SH3PXD2A: variants seen among roughly 807,000 people sequenced by gnomAD.
SH3PXD2A encodes the protein SH3 and PX domains 2A.
A neutral mutation model predicts 115.2 loss-of-function variants in SH3PXD2A; 32 were observed. The observed-to-expected ratio is 0.28, with a 90% CI of 0.21 to 0.37. The LOEUF is 0.37. SH3PXD2A is among the 10% of genes least tolerant of loss of function. The probability of loss-of-function intolerance (pLI) is 1.00; values close to 1 mark genes in which losing one functional copy is unlikely to be tolerated. For missense variants in SH3PXD2A, 1,328 were observed against 1,498.7 expected, an observed-to-expected ratio of 0.89 and a Z score of 1.88; for synonymous variants, 610 against 629.1, an observed-to-expected ratio of 0.97 and a Z score of 0.45.
intron 8 of SH3PXD2A, among the ~76,000 whole-genome samples, chr10:103,629,032 A>G (rs754940725): frequency 2.6e-5 from 4 of 152,156 alleles, no homozygotes; most frequent in Non-Finnish European, 4.4e-5. Flanking sequence ...TCTAACCCCT[A>G]CACTCTGCTG....
chr10:103,677,329 G>A (rs1330199660), intron 6 of SH3PXD2A, among the ~76,000 whole-genome samples: 1 of 152,216 alleles, frequency 6.6e-6, no homozygotes, highest in Non-Finnish European at 1.5e-5. Flanking sequence ...TGCTTCAGGA[G>A]TCATGTAGGT....
At chr10:103,738,199 C>T (rs1009134024) in intron 3 of SH3PXD2A, among the ~76,000 whole-genome samples, 1 of 152,214 alleles carries the variant, frequency 6.6e-6, no homozygotes, top group African/African-American at 2.4e-5. Context: ...GCCCTGCGTC[C>T]CTCTCGAAAG....
chr10:103,662,155 G>A (rs1156739574), intron 7 of SH3PXD2A, among the ~76,000 whole-genome samples: 3 of 152,094 alleles, frequency 2.0e-5, no homozygotes, highest in Non-Finnish European at 4.4e-5. Flanking sequence ...GCAGAGGGAG[G>A]GCAGGTGGAC....
At chr10:103,766,942 G>C in intron 3 of SH3PXD2A, 152 bp downstream of exon 3, 1 of 609,518 alleles carries the variant, frequency 1.6e-6, no homozygotes, top group Non-Finnish European at 2.9e-6. Context: ...TCACAGTCTG[G>C]AGCTTCCAAA....
intron 10 of SH3PXD2A, among the ~76,000 whole-genome samples, chr10:103,619,359 G>A (rs1043955810): frequency 6.6e-6 from 1 of 152,196 alleles, no homozygotes; most frequent in Non-Finnish European, 1.5e-5. Flanking sequence ...GCCAGGCTCC[G>A]GGAATCCAGG....
chr10:103,605,884 A>T lies in SH3PXD2A; in HGVS notation c.1342T>A (p.Ser448Thr). The T allele has an allele frequency of 6.2e-7, 1 of 1,613,942 alleles. No individual in the cohort carries two copies. Among genetic ancestry groups the T allele is most frequent in the Non-Finnish European group, 8.5e-7 (1 of 1,179,862 alleles). Reference sequence around the variant, plus strand: ...ATGGTGTAGTACTCCACCTCAACAGAAGGGGGCTCTGGTGGCTTTGGCAGT... The same window carrying T: ...ATGGTGTAGTACTCCACCTCAACAGTAGGGGGCTCTGGTGGCTTTGGCAGT... ...FQLPKPPEPP[S>T]VEVEYYTIAE... Residue 448 changes from serine (S) to threonine (T), a missense_variant, in exon 14 of 15, where the codon TCT becomes ACT. Coordinates refer to ENST00000369774, the MANE Select transcript of SH3PXD2A (RefSeq NM_001394015.1).
intron 1 of SH3PXD2A, among the ~76,000 whole-genome samples, chr10:103,814,009 AAAAAAAC>A (rs1564895773): frequency 1.5e-5 from 2 of 136,372 alleles, no homozygotes; most frequent in Non-Finnish European, 1.6e-5. Context: ...TAAAAAAAAA[AAAAAAAC>A]AACAAAAAAA....
At chr10:103,826,957 A>G (rs1006139285) in intron 1 of SH3PXD2A, among the ~76,000 whole-genome samples, 1 of 152,136 alleles carries the variant, frequency 6.6e-6, no homozygotes, top group African/African-American at 2.4e-5. Flanking sequence ...TGGAGGGATA[A>G]CTCGTAGAAT....
chr10:103,809,261 G>A (rs956949286), intron 1 of SH3PXD2A, among the ~76,000 whole-genome samples: 2 of 152,174 alleles, frequency 1.3e-5, no homozygotes, highest in Non-Finnish European at 2.9e-5. Context: ...ACACACTCAC[G>A]GGTTGACTAT....
chr10:103,641,793 T>A (rs2036959457), intron 8 of SH3PXD2A, among the ~76,000 whole-genome samples: 2 of 152,106 alleles, frequency 1.3e-5, no homozygotes, highest in African/African-American at 4.8e-5. Flanking sequence ...TAAGCCCACA[T>A]GGTAGGGCGA....
At chr10:103,649,829 C>T (rs79694929) in intron 8 of SH3PXD2A, among the ~76,000 whole-genome samples, 3,855 of 152,310 alleles carry the variant, frequency 0.025, 62 homozygotes, top group South Asian at 0.047. Context: ...CCAACCTCAA[C>T]AGCAACCTCA....
At chr10:103,641,277 C>G (rs2036951672) in intron 8 of SH3PXD2A, among the ~76,000 whole-genome samples, 1 of 152,132 alleles carries the variant, frequency 6.6e-6, no homozygotes, top group Non-Finnish European at 1.5e-5. Context: ...TAGGTGCAAG[C>G]TGGGAGGGTC....
intron 8 of SH3PXD2A, among the ~76,000 whole-genome samples, chr10:103,630,222 G>C (rs1287647405): frequency 6.6e-6 from 1 of 152,224 alleles, no homozygotes; most frequent in East Asian, 1.9e-4. Flanking sequence ...GACTTTGCAA[G>C]GGGCTCTGCC....
intron 5 of SH3PXD2A, among the ~76,000 whole-genome samples, chr10:103,701,843 A>G (rs542097012): frequency 4.0e-4 from 59 of 148,506 alleles, no homozygotes; most frequent in African/African-American, 1.4e-3. Flanking sequence ...TCTACCATCT[A>G]TCCATCCACC....
At chr10:103,618,605 G>A (rs1299284927) in intron 10 of SH3PXD2A, among the ~76,000 whole-genome samples, 1 of 152,356 alleles carries the variant, frequency 6.6e-6, no homozygotes, top group South Asian at 2.1e-4. Flanking sequence ...CTCCCCAGGG[G>A]CTGAGACAGT....
chr10:103,634,219 G>A (rs1327753160), intron 8 of SH3PXD2A, among the ~76,000 whole-genome samples: 1 of 152,200 alleles, frequency 6.6e-6, no homozygotes, highest in Non-Finnish European at 1.5e-5. Flanking sequence ...TGAAGAAGAG[G>A]AGAGGATGCC....
chr10:103,687,565 C>T (rs1421138590), intron 6 of SH3PXD2A, among the ~76,000 whole-genome samples: 4 of 152,158 alleles, frequency 2.6e-5, no homozygotes, highest in African/African-American at 9.7e-5. Flanking sequence ...GCCCCCTCCA[C>T]TGCTGCCAGA....
chr10:103,655,357 G>T (rs950523183), intron 8 of SH3PXD2A, among the ~76,000 whole-genome samples: 4 of 152,212 alleles, frequency 2.6e-5, no homozygotes, highest in Admixed American at 6.5e-5. Flanking sequence ...GCCTATCTTT[G>T]TTGGGACACT....
At chr10:103,625,496 G>A (rs1415210710) in intron 9 of SH3PXD2A, among the ~76,000 whole-genome samples, 3 of 152,242 alleles carry the variant, frequency 2.0e-5, no homozygotes, top group Non-Finnish European at 4.4e-5. Context: ...ATAGCCACAG[G>A]GTCCTCCCAG....
Sources: allele counts gnomAD v4.1 joint callset (sites outside exome capture counted in the v4.1 genomes callset), GRCh38; gene constraint gnomAD v4.1.1; transcripts MANE v1.5; gene names NCBI Gene and HGNC (gene_info 2026-07-23, HGNC 2026-07-21).